NTN1: variants seen among roughly 807,000 people sequenced by gnomAD.
NTN1 encodes the protein netrin-1.
A neutral mutation model predicts 54.2 loss-of-function variants in NTN1; 11 were observed. The observed-to-expected ratio is 0.20, with a 90% CI of 0.13 to 0.34. The LOEUF (loss-of-function observed/expected upper bound fraction) is 0.34. NTN1 is among the 10% of genes least tolerant of loss of function. The pLI is 1.00. For missense variants in NTN1, 740 were observed against 893.1 expected (o/e 0.83, Z 2.18); for synonymous variants, 371 against 382.0 (o/e 0.97, Z 0.33).
At chr17:9,209,026 G>A (rs1597539175) in intron 5 of NTN1, among the ~76,000 whole-genome samples, 2 of 152,222 alleles carry the variant, frequency 1.3e-5, no homozygotes, top group East Asian at 1.9e-4. Context: ...CTGCAGAGTC[G>A]GAGGCCACCT....
intron 2 of NTN1, among the ~76,000 whole-genome samples, chr17:9,031,326 G>A (rs759686396): frequency 4.6e-5 from 7 of 152,230 alleles, no homozygotes; most frequent in African/African-American, 1.2e-4. Flanking sequence ...TTCTGATTTC[G>A]TCTGTTTCTG....
chr17:9,124,831 A>G (rs901280836), intron 2 of NTN1, among the ~76,000 whole-genome samples: 4 of 152,178 alleles, frequency 2.6e-5, no homozygotes, highest in Non-Finnish European at 5.9e-5. Flanking sequence ...TGCCTCTGCT[A>G]TGACACTTGG....
At chr17:9,236,979 A>G (rs1906012799) in intron 6 of NTN1, among the ~76,000 whole-genome samples, 3 of 152,158 alleles carry the variant, frequency 2.0e-5, no homozygotes, top group African/African-American at 7.2e-5. Flanking sequence ...CAGGAAGTCT[A>G]AGGCTAGGCC....
intron 2 of NTN1, among the ~76,000 whole-genome samples, chr17:9,031,004 T>A (rs2091886876): frequency 6.6e-6 from 1 of 152,178 alleles, no homozygotes; most frequent in African/African-American, 2.4e-5. Context: ...TGGGAACCCA[T>A]CTGTGCCCCC....
chr17:9,152,931 T>C (rs555531440), intron 2 of NTN1, among the ~76,000 whole-genome samples: 1 of 152,174 alleles, frequency 6.6e-6, no homozygotes, highest in East Asian at 1.9e-4. Flanking sequence ...TGCTTGCTTG[T>C]GAGGTTGTAG....
intron 2 of NTN1, among the ~76,000 whole-genome samples, chr17:9,035,403 T>C (rs1211753410): frequency 6.6e-6 from 1 of 152,198 alleles, no homozygotes; most frequent in Non-Finnish European, 1.5e-5. Flanking sequence ...AGGGTATTTC[T>C]CCACTCCACT....
At chr17:9,188,948 A>T (rs1334959393) in intron 5 of NTN1, among the ~76,000 whole-genome samples, 1 of 152,178 alleles carries the variant, frequency 6.6e-6, no homozygotes, top group Non-Finnish European at 1.5e-5. Context: ...ATGAAGCGGG[A>T]TGTTAGGCTG....
chr17:9,140,426 A>T (rs913469153), intron 2 of NTN1, among the ~76,000 whole-genome samples: 7 of 152,206 alleles, frequency 4.6e-5, no homozygotes, highest in Admixed American at 1.3e-4. Context: ...AACTTGAAAT[A>T]AAAAAATGCA....
At chr17:9,021,445 A>G (rs2091846994), upstream of NTN1, 1 of 148,306 alleles carries the variant, frequency 6.7e-6, no homozygotes, top group South Asian at 2.0e-4. Context: ...CAGCTCGCGG[A>G]CGTTATTGGC....
rs1906297328 is a variant in NTN1, at chr17:9,243,519, A to G, written c.*3551A>G. On this transcript the variant is annotated 3_prime_UTR_variant, in exon 7 of 7. Coordinates refer to ENST00000173229, the MANE Select transcript of NTN1 (RefSeq NM_004822.3). ...CCTTGAAGCCCAGAGTGGACAGACT[A>G]GACCCATTGATGGGGCCACTGGCCA... The G allele has an allele frequency of 6.6e-6, 1 of 152,262 alleles. No individual in the cohort carries two copies. The highest frequency in any genetic ancestry group is 6.5e-5 in the Admixed American group (1 of 15,284). The allele number at this position is 152,262 out of a possible 1,614,324, so 9.4% of individuals were successfully genotyped here. A position where few individuals can be genotyped will look rare whatever the true frequency, so the allele number is the denominator to read the frequency against.
intron 2 of NTN1, among the ~76,000 whole-genome samples, chr17:9,103,016 T>TG (rs922168822): frequency 1.3e-5 from 2 of 152,048 alleles, no homozygotes; most frequent in African/African-American, 4.8e-5. Context: ...ATGGTGAGTG[T>TG]GGGGGGATAG....
At chr17:9,218,949 T>C (rs539467833) in intron 5 of NTN1, among the ~76,000 whole-genome samples, 84 of 150,244 alleles carry the variant, frequency 5.6e-4, no homozygotes, top group Non-Finnish European at 1.1e-3. Flanking sequence ...GAGAGTGGAT[T>C]GAAGGCCACC....
chr17:9,197,684 A>G (rs1904675775), intron 5 of NTN1, among the ~76,000 whole-genome samples: 2 of 151,824 alleles, frequency 1.3e-5, no homozygotes, highest in Admixed American at 1.3e-4. Flanking sequence ...GAAGGAAGAA[A>G]AAGAAAAGAA....
At chr17:9,082,736 T>C (rs1345200270) in intron 2 of NTN1, among the ~76,000 whole-genome samples, 3 of 148,948 alleles carry the variant, frequency 2.0e-5, no homozygotes, top group Non-Finnish European at 4.4e-5. Flanking sequence ...TAATTTTGGA[T>C]GACAGAATCA....
chr17:9,033,280 G>T (rs2091893322), intron 2 of NTN1, among the ~76,000 whole-genome samples: 1 of 152,042 alleles, frequency 6.6e-6, no homozygotes, highest in Non-Finnish European at 1.5e-5. Context: ...ATGTTTTTGG[G>T]CAGACTTGCC....
At chr17:9,042,765 C>T (rs140119587) in intron 2 of NTN1, among the ~76,000 whole-genome samples, 1,511 of 149,444 alleles carry the variant, frequency 0.01, 26 homozygotes, top group African/African-American at 0.033. Flanking sequence ...CCAGACTGGG[C>T]GATAGTGCGA....
At chr17:9,064,008 A>T (rs938668711) in intron 2 of NTN1, among the ~76,000 whole-genome samples, 4 of 152,186 alleles carry the variant, frequency 2.6e-5, no homozygotes, top group Non-Finnish European at 4.4e-5. Context: ...AAGCATCCTA[A>T]CTGTAATGGT....
intron 2 of NTN1, among the ~76,000 whole-genome samples, chr17:9,090,231 A>C (rs2092105528): frequency 6.7e-6 from 1 of 148,600 alleles, no homozygotes; most frequent in Non-Finnish European, 1.5e-5. Flanking sequence ...GCTGGAGTGC[A>C]GTGGCATGAT....
chr17:9,011,376 T>C, the NTN1 span, among the ~76,000 whole-genome samples: 36,292 of 152,046 alleles, frequency 0.24, 4,553 homozygotes, highest in East Asian at 0.49. Flanking sequence ...CTCCAATCTC[T>C]GCCTCTGTCT....
Sources: gnomAD v4.1 joint callset for allele counts (sites outside exome capture counted in the v4.1 genomes callset) on GRCh38, gnomAD v4.1.1 for gene constraint, MANE v1.5 for transcripts, NCBI Gene and HGNC (gene_info 2026-07-23, HGNC 2026-07-21) for gene names.